The following PTPRT variants were observed in gnomAD, a reference collection of about 807,000 sequenced individuals.
The protein encoded by PTPRT is protein tyrosine phosphatase receptor type T, also known as receptor-type tyrosine-protein phosphatase T.
Under a neutral mutation model 176.8 loss-of-function variants are expected in PTPRT, and 56 were observed. The observed-to-expected ratio is 0.32, with a 90% CI of 0.26 to 0.40. The LOEUF (loss-of-function observed/expected upper bound fraction) is 0.40. Ranked by LOEUF, PTPRT falls within the 10% of genes least tolerant of loss-of-function variation. The pLI, the probability that PTPRT is intolerant of heterozygous loss-of-function variation, is 1.00. For synonymous variants in PTPRT, 783 were observed against 739.0 expected, an observed-to-expected ratio of 1.06 and a Z score of -0.96; for missense variants, 1,540 against 1,908.2, an observed-to-expected ratio of 0.81 and a Z score of 3.60.
chr20:43,122,070 T>G (rs1381044800), intron 1 of PTPRT, among the ~76,000 whole-genome samples: 1 of 152,196 alleles, frequency 6.6e-6, no homozygotes, highest in African/African-American at 2.4e-5. Context: ...CAGCATGCTT[T>G]AGAATCCCCG....
intron 7 of PTPRT, among the ~76,000 whole-genome samples, chr20:42,632,121 C>A (rs1298166405): frequency 6.6e-6 from 1 of 152,128 alleles, no homozygotes; most frequent in African/African-American, 2.4e-5. Flanking sequence ...GGTGAGCTTC[C>A]TTGTTGGCAA....
intron 7 of PTPRT, among the ~76,000 whole-genome samples, chr20:42,553,653 A>G (rs1002941366): frequency 1.3e-5 from 2 of 151,912 alleles, no homozygotes; most frequent in Admixed American, 1.3e-4. Context: ...TTTCTCTCCC[A>G]CACCGTGACT....
intron 17 of PTPRT, among the ~76,000 whole-genome samples, chr20:42,156,723 C>T (rs141111605): frequency 6.6e-6 from 1 of 152,354 alleles, no homozygotes; most frequent in East Asian, 1.9e-4. Context: ...CCTTTTGTAA[C>T]ATACACCATG....
In PTPRT at chr20:42,329,473, G is replaced by GCACACA. The variant is rs374374950; in HGVS notation, c.1866-13483_1866-13478dup. Among the ~76,000 whole-genome samples, 428 of 145,076 alleles carry GCACACA rather than the reference G, an allele frequency of 3.0e-3. 2 individuals are homozygous for GCACACA. The highest frequency in any genetic ancestry group is 1.0e-2 in the African/African-American group (399 of 39,966). ...AACAGTATAAACCAAGAATATAGTGGCACACACACACACACACACACACAC... is the reference window on the plus strand; with the variant it reads ...AACAGTATAAACCAAGAATATAGTGGCACACACACACACACACACACACACACACAC... On this transcript the variant is annotated intron_variant, in intron 11 of 30. Transcript: ENST00000373187.
chr20:42,167,593 G>C (rs1384703273), intron 16 of PTPRT, among the ~76,000 whole-genome samples: 4 of 152,184 alleles, frequency 2.6e-5, no homozygotes, highest in Non-Finnish European at 5.9e-5. Flanking sequence ...AGAGTATGAA[G>C]AGTGATGTGT....
intron 1 of PTPRT, among the ~76,000 whole-genome samples, chr20:43,095,529 T>G (rs1427058240): frequency 1.3e-5 from 2 of 151,874 alleles, no homozygotes; most frequent in African/African-American, 2.4e-5. Flanking sequence ...CCCACCCACC[T>G]TGCAAATTTT....
intron 1 of PTPRT, among the ~76,000 whole-genome samples, chr20:43,184,803 G>A (rs1042029421): frequency 6.6e-6 from 1 of 151,988 alleles, no homozygotes; most frequent in African/African-American, 2.4e-5. Flanking sequence ...ACGTCCCTTT[G>A]GAATGTATAT....
intron 7 of PTPRT, among the ~76,000 whole-genome samples, chr20:42,646,871 C>A (rs1167162196): frequency 2.8e-5 from 4 of 144,676 alleles, no homozygotes; most frequent in Non-Finnish European, 6.0e-5. Context: ...GAGATCCCAA[C>A]CTAAGACAGC....
intron 7 of PTPRT, among the ~76,000 whole-genome samples, chr20:42,596,791 T>G (rs2073678881): frequency 6.6e-6 from 1 of 152,222 alleles, no homozygotes; most frequent in Admixed American, 6.5e-5. Context: ...TATTTTAACC[T>G]CTTAGATTAG....
At position 42,577,969 on chromosome 20, in the gene PTPRT, G is replaced by GTGTGTGTGTGTGTA. The variant is rs564005742; in HGVS notation, c.1153+99896_1153+99897insTACACACACACACA. Among the ~76,000 whole-genome samples the GTGTGTGTGTGTGTA allele has an allele frequency of 5.6e-3, 783 of 140,394 alleles. 46 individuals carry two copies. Among genetic ancestry groups the GTGTGTGTGTGTGTA allele is most frequent in the African/African-American group, 0.021 (753 of 35,812 alleles). The allele number at this position is 140,394 out of a possible 152,430, so 92.1% of individuals were successfully genotyped here. On this transcript the variant is annotated intron_variant, in intron 7 of 30. Transcript: ENST00000373187. ...TGTGTGTGTGTGTGTGTGTGTGTGT[G>GTGTGTGTGTGTGTA]TAGGCATACCCACATGTGTGTGAAT...
intron 2 of PTPRT, among the ~76,000 whole-genome samples, chr20:42,874,164 C>T (rs765359140): frequency 1.2e-4 from 19 of 152,094 alleles, no homozygotes; most frequent in African/African-American, 4.8e-5. Context: ...TCTTCCTCTC[C>T]GGCTGCCCTG....
chr20:42,193,567 A>T (rs901519283), intron 16 of PTPRT, among the ~76,000 whole-genome samples: 3 of 152,182 alleles, frequency 2.0e-5, no homozygotes, highest in African/African-American at 7.2e-5. Context: ...CTTTGGGCTT[A>T]TTTACTTCAG....
At chr20:42,454,544 A>G (rs939342899) in intron 8 of PTPRT, among the ~76,000 whole-genome samples, 9 of 152,208 alleles carry the variant, frequency 5.9e-5, no homozygotes, top group African/African-American at 2.2e-4. Context: ...AGTAAGTGTA[A>G]AACAATACTT....
At chr20:42,110,619 G>GTGTT in intron 22 of PTPRT, 132 bp from the exon 23 acceptor site, 2 of 917,704 alleles carry the variant, frequency 2.2e-6, no homozygotes, top group East Asian at 5.3e-5. Context: ...TTGTTAATAG[G>GTGTT]TGTTACTGGA....
chr20:42,730,821 C>T (rs1600672313), intron 6 of PTPRT, among the ~76,000 whole-genome samples: 1 of 152,162 alleles, frequency 6.6e-6, no homozygotes, highest in African/African-American at 2.4e-5. Flanking sequence ...AGTTTGGGGG[C>T]AATTCTAAAG....
chr20:42,476,958 T>C (rs2071300775), intron 7 of PTPRT, among the ~76,000 whole-genome samples: 1 of 152,174 alleles, frequency 6.6e-6, no homozygotes, highest in Non-Finnish European at 1.5e-5. Context: ...GGGTCTGGGA[T>C]AAGAATACAC....
chr20:42,454,339 T>C (rs888870502), intron 8 of PTPRT, among the ~76,000 whole-genome samples: 1 of 152,210 alleles, frequency 6.6e-6, no homozygotes, highest in Non-Finnish European at 1.5e-5. Flanking sequence ...TATAAGATTT[T>C]ACTAAGGTAC....
At chr20:42,949,631 C>A (rs1395749607) in intron 1 of PTPRT, among the ~76,000 whole-genome samples, 5 of 152,152 alleles carry the variant, frequency 3.3e-5, no homozygotes, top group Non-Finnish European at 5.9e-5. Flanking sequence ...TGGAGACAAA[C>A]TTTTCCAATG....
At chr20:43,163,482 T>TA (rs1216975359) in intron 1 of PTPRT, among the ~76,000 whole-genome samples, 2 of 151,748 alleles carry the variant, frequency 1.3e-5, no homozygotes, top group Non-Finnish European at 2.9e-5. Context: ...ACTAAAAATA[T>TA]AAAAAATTAG....
Sources: allele counts gnomAD v4.1 joint callset (sites outside exome capture counted in the v4.1 genomes callset), GRCh38; gene constraint gnomAD v4.1.1; transcripts MANE v1.5; gene names NCBI Gene and HGNC (gene_info 2026-07-23, HGNC 2026-07-21).